ZNF680: variants seen among roughly 807,000 people sequenced by gnomAD.
ZNF680 encodes zinc finger protein 680, also known as hypothetical protein FLJ90430.
ZNF680 carries 6 observed loss-of-function variants against 12.1 expected under a neutral mutation model. The observed-to-expected ratio is 0.49, with a 90% confidence interval of 0.27 to 0.98. The LOEUF (loss-of-function observed/expected upper bound fraction) is 0.98. Ranked by LOEUF, ZNF680 falls within the 50% of genes least tolerant of loss-of-function variation. The pLI, the probability that ZNF680 is intolerant of heterozygous loss-of-function variation, is 0.12. For missense variants in ZNF680, 561 were observed against 616.3 expected, an observed-to-expected ratio of 0.91 and a Z score of 0.95; for synonymous variants, 170 against 199.3, an observed-to-expected ratio of 0.85 and a Z score of 1.24.
chr7:64,545,188 T>C (rs1353544260), intron 1 of ZNF680, among the ~76,000 whole-genome samples: 1 of 140,212 alleles, frequency 7.1e-6, no homozygotes, highest in Admixed American at 8.4e-5. Context: ...CGCTTGAACC[T>C]GGGAGGTGGA....
At chr7:64,561,034 T>G (rs781231607) in intron 1 of ZNF680, 13 of 152,272 alleles carry the variant, frequency 8.5e-5, no homozygotes, top group Non-Finnish European at 1.8e-4. Context: ...TCATCATTTT[T>G]TTTCACTATT....
chr7:64,539,745 G>T (rs896416360), intron 3 of ZNF680, among the ~76,000 whole-genome samples: 22 of 152,162 alleles, frequency 1.4e-4, no homozygotes. Context: ...TAACCAGGCT[G>T]AAGTAAATCC....
At position 64,522,458 on chromosome 7, in the gene ZNF680, C is replaced by T. The variant is rs56699967; in HGVS notation, c.296G>A (p.Ser99Asn). 6.3e-7 allele frequency: 1 copy of T among 1,584,964 alleles called. No individual in the cohort carries two copies. Among genetic ancestry groups the T allele is most frequent in the Non-Finnish European group, 8.6e-7 (1 of 1,167,086 alleles). ...CACTTTTTGAAAAGAATCTTTTATG[C>T]TATGCTCTGGCCAAAGGTCTTCAGT... ...HFTEDLWPEH[S>N]IKDSFQKVIL... The change falls in exon 4 of 4, where the codon AGC becomes AAC. Residue 99 changes from serine (S) to asparagine (N), a missense_variant. Transcript: ENST00000309683.
At chr7:64,560,260 T>C (rs774086409) in intron 1 of ZNF680, among the ~76,000 whole-genome samples, 17 of 151,930 alleles carry the variant, frequency 1.1e-4, no homozygotes, top group Non-Finnish European at 2.1e-4. Context: ...ATTACAGGCA[T>C]GTACCACCAC....
At chr7:64,524,873 A>C (rs1158872522) in intron 3 of ZNF680, 1 of 152,194 alleles carries the variant, frequency 6.6e-6, no homozygotes, top group African/African-American at 2.4e-5. Flanking sequence ...AGAAGAAAAA[A>C]CTGAAAAATT....
At chr7:64,500,678 A>T in the ZNF680 span, 3 of 228,102 alleles carry the variant, frequency 1.3e-5, no homozygotes, top group African/African-American at 7.0e-5. Context: ...TTGTGAAGAG[A>T]CGAAGACTGA....
At position 64,563,018 on chromosome 7, in the gene ZNF680, A is replaced by G. The variant is rs572346323; in HGVS notation, c.-64T>C. 21 of 1,586,030 alleles carry G rather than the reference A, an allele frequency of 1.3e-5. No individual in the cohort carries two copies. The African/African-American group carries it at 1.6e-4, about 12-fold the overall frequency. On this transcript the variant is annotated 5_prime_UTR_variant, in exon 1 of 4. Coordinates refer to ENST00000309683, the MANE Select transcript of ZNF680 (RefSeq NM_178558.5). ...TCACAGAGGCTGGGCCTCTAGGAGC[A>G]GAATACACAGAGCAGTAAAGACTAG...
chr7:64,507,824 AACACACACACACACACACACACACACAC>A, the ZNF680 span, among the ~76,000 whole-genome samples: 2,682 of 136,518 alleles, frequency 0.02, 36 homozygotes, highest in Non-Finnish European at 0.024. Flanking sequence ...AATTCCAGGA[AACACACACACACACACACACACACACAC>A]ACACACACAC....
chr7:64,522,194 C>T lies in ZNF680; in HGVS notation c.560G>A (p.Cys187Tyr). The T allele has an allele frequency of 1.2e-5, 19 of 1,612,550 alleles. No individual in the cohort carries two copies. The highest frequency in any genetic ancestry group is 1.6e-5 in the Non-Finnish European group (19 of 1,179,104). ...TGKKVFKCKE[C>Y]GKSFCMLSHL... ...TGAAAGCATGCAAAATGATTTGCCA[C>T]ATTCTTTACATTTGAAAACCTTCTT... The change falls in exon 4 of 4, where the codon TGT becomes TAT. Residue 187 changes from cysteine to tyrosine, a missense_variant. Cys to Tyr is a radical substitution (Grantham distance 194). Coordinates refer to ENST00000309683, the MANE Select transcript of ZNF680 (RefSeq NM_178558.5).
chr7:64,539,213 T>C (rs1208327477), intron 3 of ZNF680, among the ~76,000 whole-genome samples: 1 of 146,510 alleles, frequency 6.8e-6, no homozygotes, highest in East Asian at 2.0e-4. Context: ...AACATATGTA[T>C]ACAATGGAAT....
rs1176337908 is a variant in ZNF680, at chr7:64,561,868, G to C, written c.30+1057C>G. Among the ~76,000 whole-genome samples the C allele has an allele frequency of 2.7e-5, 4 of 148,238 alleles. No individual in the cohort carries two copies. The East Asian group carries it at 5.9e-4, about 22-fold the overall frequency. On this transcript the variant is annotated intron_variant, in intron 1 of 3. Transcript: ENST00000309683. ...GAGAATGGCGTCAACCCAGGAGGCG[G>C]AGCTTGCAGTGAGCCGAGATCGCGC... is the stretch of plus-strand genomic sequence containing the variant.
At chr7:64,560,172 G>A (rs13238630) in intron 1 of ZNF680, among the ~76,000 whole-genome samples, 3,748 of 148,838 alleles carry the variant, frequency 0.025, 70 homozygotes, top group Non-Finnish European at 0.043. Flanking sequence ...GGAATGAAGT[G>A]GCACAATCTT....
intron 1 of ZNF680, among the ~76,000 whole-genome samples, chr7:64,555,617 C>A (rs1787367970): frequency 6.6e-6 from 1 of 151,586 alleles, no homozygotes. Flanking sequence ...CAAGAGCAAA[C>A]CAACCCCTAA....
At chr7:64,502,465 G>C in the ZNF680 span, among the ~76,000 whole-genome samples, 1 of 152,112 alleles carries the variant, frequency 6.6e-6, no homozygotes, top group African/African-American at 2.4e-5. Context: ...AGAAGTATGT[G>C]TGTTACACCC....
chr7:64,554,227 C>A (rs1423707503), intron 1 of ZNF680, among the ~76,000 whole-genome samples: 110 of 149,812 alleles, frequency 7.3e-4, no homozygotes, highest in African/African-American at 2.6e-3. Context: ...AGCGCCTCTG[C>A]CCGGCCGCGA....
chr7:64,499,903 G>A, the ZNF680 span, among the ~76,000 whole-genome samples: 2 of 152,176 alleles, frequency 1.3e-5, no homozygotes, highest in African/African-American at 4.8e-5. Flanking sequence ...CACTAAGATT[G>A]GGAAGCTAAA....
At chr7:64,531,164 A>G (rs879901124) in intron 3 of ZNF680, among the ~76,000 whole-genome samples, 1 of 152,162 alleles carries the variant, frequency 6.6e-6, no homozygotes, top group Admixed American at 6.5e-5. Flanking sequence ...CCATCCAACA[A>G]CCGCAGAATA....
the ZNF680 span, among the ~76,000 whole-genome samples, chr7:64,499,691 C>T: frequency 6.6e-6 from 1 of 152,108 alleles, no homozygotes; most frequent in African/African-American, 2.4e-5. Context: ...TTGCAGTGAG[C>T]GGAGACCACG....
intron 3 of ZNF680, among the ~76,000 whole-genome samples, chr7:64,526,828 ATTGTT>A: frequency 6.6e-6 from 1 of 152,362 alleles, no homozygotes; most frequent in East Asian, 1.9e-4. Context: ...ATTAAAATAT[ATTGTT>A]TTAACTTTAA....
Sources: allele counts gnomAD v4.1 joint callset (sites outside exome capture counted in the v4.1 genomes callset), GRCh38; gene constraint gnomAD v4.1.1; transcripts MANE v1.5; gene names NCBI Gene and HGNC (gene_info 2026-07-23, HGNC 2026-07-21).